The following DOK6 variants were observed in gnomAD, a reference collection of about 807,000 sequenced individuals.
The protein encoded by DOK6 is downstream of tyrosine kinase 6.
Under a neutral mutation model 44.0 loss-of-function variants are expected in DOK6, and 22 were observed. The observed-to-expected ratio is 0.50, with a 90% CI of 0.36 to 0.71. DOK6 has a LOEUF of 0.71. DOK6 is among the 30% of genes least tolerant of loss of function. The pLI, the probability that DOK6 is intolerant of heterozygous loss-of-function variation, is 0.00. For missense variants in DOK6, 340 were observed against 416.4 expected (o/e 0.82, Z 1.60); for synonymous variants, 166 against 145.5 (o/e 1.14, Z -1.01).
chr18:69,554,151 C>T (rs2144590542), intron 1 of DOK6, among the ~76,000 whole-genome samples: 1 of 152,270 alleles, frequency 6.6e-6, no homozygotes, highest in Non-Finnish European at 1.5e-5. Context: ...GAAAATGACA[C>T]AACTGGAGAC....
At chr18:69,546,072 G>A (rs1204098839) in intron 1 of DOK6, among the ~76,000 whole-genome samples, 1 of 151,220 alleles carries the variant, frequency 6.6e-6, no homozygotes, top group East Asian at 1.9e-4. Context: ...AAGGTTGGGA[G>A]TTCGAGACCA....
At chr18:69,484,342 G>A (rs1055473798) in intron 1 of DOK6, among the ~76,000 whole-genome samples, 5 of 152,068 alleles carry the variant, frequency 3.3e-5, no homozygotes, top group Admixed American at 6.6e-5. Flanking sequence ...TTTCAGCTTC[G>A]TATGCCTGCA....
intron 7 of DOK6, among the ~76,000 whole-genome samples, chr18:69,782,461 T>A (rs1055614036): frequency 6.6e-6 from 1 of 152,198 alleles, no homozygotes; most frequent in East Asian, 1.9e-4. Flanking sequence ...TCCCCCCGCC[T>A]CGGCCTCCCA....
chr18:69,528,985 T>G (rs1039525075), intron 1 of DOK6, among the ~76,000 whole-genome samples: 1 of 152,206 alleles, frequency 6.6e-6, no homozygotes, highest in Non-Finnish European at 1.5e-5. Flanking sequence ...ACTGCATTTC[T>G]AGAATTCCAG....
At chr18:69,441,374 A>T (rs1449157477) in intron 1 of DOK6, among the ~76,000 whole-genome samples, 1 of 152,148 alleles carries the variant, frequency 6.6e-6, no homozygotes, top group Non-Finnish European at 1.5e-5. Context: ...TGAGGATCTC[A>T]ATTATTTTAT....
At chr18:69,730,617 A>C (rs2144731001) in intron 5 of DOK6, among the ~76,000 whole-genome samples, 1 of 152,080 alleles carries the variant, frequency 6.6e-6, no homozygotes, top group South Asian at 2.1e-4. Flanking sequence ...GATTGTTTTA[A>C]GAAATACAAT....
In DOK6 at chr18:69,501,187, A is replaced by C. The variant is rs985011652; in HGVS notation, c.67-63300A>C. 2.0e-5 allele frequency among the ~76,000 whole-genome samples: 3 copies of C among 152,132 alleles called. No individual in the cohort carries two copies. The East Asian group carries it at 5.8e-4, about 29-fold the overall frequency. ...ACATTTGGAACACTATTTTTTTAGA[A>C]CTTATTTTATGGTAGAGTTTTGGAT... On this transcript the variant is annotated intron_variant, in intron 1 of 7. Transcript: ENST00000382713.
At position 69,649,337 on chromosome 18, in the gene DOK6, G is replaced by C. The variant is rs1020961108; in HGVS notation, c.290-28397G>C. Among the ~76,000 whole-genome samples, 7 of 152,120 alleles carry C rather than the reference G, an allele frequency of 4.6e-5. No homozygotes were observed. The South Asian group carries it at 1.4e-3, about 31-fold the overall frequency. ...AGAAATAATTTATGTCCATGTAAAC[G>C]AAATCTCCTTGTCAGAGATCTAAAA... On this transcript the variant is annotated intron_variant, in intron 3 of 7. Coordinates refer to ENST00000382713, the MANE Select transcript of DOK6 (RefSeq NM_152721.6).
rs537365779 is a variant in DOK6 at position 69,554,127 on chromosome 18, A to G, written c.67-10360A>G. On this transcript the variant is annotated intron_variant, in intron 1 of 7. Coordinates refer to ENST00000382713, the MANE Select transcript of DOK6 (RefSeq NM_152721.6). ...TTTTAAACTTAAAAAAATTGTAATTAAGGCACCCGTAGAGAAAATGACACA... is the reference window on the plus strand; with the variant it reads ...TTTTAAACTTAAAAAAATTGTAATTGAGGCACCCGTAGAGAAAATGACACA... Among the ~76,000 whole-genome samples, 4 of 152,328 alleles carry G rather than the reference A, an allele frequency of 2.6e-5. No homozygotes were observed. The East Asian group carries it at 7.7e-4, about 29-fold the overall frequency.
At chr18:69,736,316 AAAC>A (rs1978605320) in intron 5 of DOK6, among the ~76,000 whole-genome samples, 1 of 41,464 alleles carries the variant, frequency 2.4e-5, no homozygotes, top group Non-Finnish European at 1.3e-4. Flanking sequence ...ACAATGTTGA[AAAC>A]AAACAAAAAC....
In DOK6 at chr18:69,743,826, A is replaced by AAC. The variant is rs72581078; in HGVS notation, c.738+4724_738+4725insCA. On this transcript the variant is annotated intron_variant, in intron 6 of 7. Coordinates refer to ENST00000382713, the MANE Select transcript of DOK6 (RefSeq NM_152721.6). Reference sequence around the variant, plus strand: ...AATGAGAATTTCAGTGTATTAAAAAAAAAAAAAAAACAGCATTTAGGATGC... The same window carrying AAC: ...AATGAGAATTTCAGTGTATTAAAAAAACAAAAAAAAAACAGCATTTAGGATGC... 6.8e-4 allele frequency among the ~76,000 whole-genome samples: 66 copies of AAC among 97,500 alleles called. No individual in the cohort carries two copies. In the East Asian group the frequency reaches 9.7e-3, roughly 14 times the overall value. 64.0% of individuals were successfully genotyped at this position (97,500 alleles called of 152,430 possible). A position where few individuals can be genotyped will look rare whatever the true frequency, so the allele number is the denominator to read the frequency against.
At chr18:69,591,783 G>C (rs1568305508) in intron 2 of DOK6, among the ~76,000 whole-genome samples, 1 of 152,002 alleles carries the variant, frequency 6.6e-6, no homozygotes, top group African/African-American at 2.4e-5. Context: ...ATGTGACATG[G>C]TATCAGACTC....
At position 69,798,675 on chromosome 18, in the gene DOK6, G is replaced by A. The variant is rs1980817773; in HGVS notation, c.856+40802G>A. ...GAAATAAAAAAGGTTTTTGTTTTCT[G>A]TTTTATGTTATTTTTAGAATCTCTT... is the stretch of plus-strand genomic sequence containing the variant. On this transcript the variant is annotated intron_variant, in intron 7 of 7. Coordinates refer to ENST00000382713, the MANE Select transcript of DOK6 (RefSeq NM_152721.6). 2.0e-5 allele frequency among the ~76,000 whole-genome samples: 3 copies of A among 151,762 alleles called. No individual in the cohort carries two copies. In the South Asian group the frequency reaches 6.2e-4, roughly 31 times the overall value.
At chr18:69,621,240 C>T (rs73459947) in intron 3 of DOK6, among the ~76,000 whole-genome samples, 3,755 of 152,220 alleles carry the variant, frequency 0.025, 154 homozygotes, top group African/African-American at 0.085. Flanking sequence ...GAGAAAGTGA[C>T]TATTTCCGTA....
intron 1 of DOK6, among the ~76,000 whole-genome samples, chr18:69,513,720 T>TC (rs1981438702): frequency 6.6e-6 from 1 of 152,094 alleles, no homozygotes; most frequent in Non-Finnish European, 1.5e-5. Context: ...ACAGTAATTA[T>TC]AAAAAAAATT....
chr18:69,753,374 A>T (rs1979248342), intron 6 of DOK6, among the ~76,000 whole-genome samples: 2 of 152,166 alleles, frequency 1.3e-5, no homozygotes, highest in Non-Finnish European at 1.5e-5. Context: ...ATATTCAAAC[A>T]AAGGTATCAG....
chr18:69,737,809 G>A (rs1170341627), intron 5 of DOK6, among the ~76,000 whole-genome samples: 3 of 152,118 alleles, frequency 2.0e-5, no homozygotes, highest in Non-Finnish European at 4.4e-5. Context: ...CTCAATGACC[G>A]AGTGTGACAT....
chr18:69,700,341 A>G (rs1986491234), intron 5 of DOK6, among the ~76,000 whole-genome samples: 1 of 151,564 alleles, frequency 6.6e-6, no homozygotes, highest in African/African-American at 2.4e-5. Context: ...ATCCTTCTAG[A>G]TATACCTATC....
intron 1 of DOK6, among the ~76,000 whole-genome samples, chr18:69,420,704 C>T (rs1978466673): frequency 6.6e-6 from 1 of 152,122 alleles, no homozygotes; most frequent in Non-Finnish European, 1.5e-5. Context: ...ATCTGTTACA[C>T]TGATTTCTAG....
Sources: allele counts gnomAD v4.1 joint callset (sites outside exome capture counted in the v4.1 genomes callset), GRCh38; gene constraint gnomAD v4.1.1; transcripts MANE v1.5; gene names NCBI Gene and HGNC (gene_info 2026-07-23, HGNC 2026-07-21).